The following CFC1 variants were observed in gnomAD, a reference collection of about 807,000 sequenced individuals.
CFC1 encodes the protein cryptic, EGF-CFC family member 1.
For synonymous variants in CFC1, 8 were observed against 50.7 expected, an observed-to-expected ratio of 0.16 and a Z score of 3.58; for missense variants, 14 against 120.0, an observed-to-expected ratio of 0.12 and a Z score of 4.13.
intron 5 of CFC1, among the ~76,000 whole-genome samples, chr2:130,594,233 C>A (rs1429289820): frequency 1.3e-5 from 2 of 148,510 alleles, no homozygotes; most frequent in Admixed American, 6.6e-5. Flanking sequence ...CCCCATAGCA[C>A]CCCCCACCTT....
In CFC1 at chr2:130,598,764, G is replaced by T. The variant is rs1169986594; in HGVS notation, c.125C>A (p.Ala42Asp). 1.2e-6 allele frequency: 2 copies of T among 1,612,526 alleles called. No individual in the cohort carries two copies. The highest frequency in any genetic ancestry group is 2.7e-5 in the African/African-American group (2 of 74,400). Residue 42 changes from alanine to aspartate, a missense_variant, in exon 3 of 6, where the codon GCC becomes GAC. Ala to Asp is a moderately radical substitution (Grantham distance 126, BLOSUM62 -2). Coordinates refer to ENST00000259216, the MANE Select transcript of CFC1 (RefSeq NM_032545.4). ...CGGTGACTGTCGGTGCTTCTGAGTG[G>T]CAACCTTGGTGACTTCCTCTCTACC... ...NGGREEVTKV[A>D]TQKHRQSPLN...
At chr2:130,595,686 C>T (rs1314742982) in intron 5 of CFC1, among the ~76,000 whole-genome samples, 11 of 150,056 alleles carry the variant, frequency 7.3e-5, no homozygotes, top group Admixed American at 4.6e-4. Context: ...TGCAGTGAGC[C>T]GAGACTGCGC....
intron 5 of CFC1, among the ~76,000 whole-genome samples, chr2:130,594,323 AGCTGGT>A (rs1338594559): frequency 6.8e-6 from 1 of 146,746 alleles, no homozygotes. Flanking sequence ...GCTCCAGAGA[AGCTGGT>A]GCTAAGACAG....
At chr2:130,594,876 GCAGAGCATCAGT>G in intron 5 of CFC1, among the ~76,000 whole-genome samples, 1 of 148,040 alleles carries the variant, frequency 6.8e-6, no homozygotes, top group Non-Finnish European at 1.5e-5. Context: ...TCTTGGACCT[GCAGAGCATCAGT>G]CAGAGCAAGG....
chr2:130,593,422 C>T (rs1684872908), intron 5 of CFC1, among the ~76,000 whole-genome samples: 1 of 152,264 alleles, frequency 6.6e-6, no homozygotes, highest in Non-Finnish European at 1.5e-5. Context: ...GCACATAGAC[C>T]CGATTTAAAA....
At chr2:130,596,096 C>T in intron 5 of CFC1, among the ~76,000 whole-genome samples, 1 of 62,604 alleles carries the variant, frequency 1.6e-5, no homozygotes, top group East Asian at 3.2e-4. Flanking sequence ...TAAAAGAACA[C>T]AAAGGTGTTA....
At chr2:130,595,851 C>G (rs1237030935) in intron 5 of CFC1, among the ~76,000 whole-genome samples, 2 of 138,636 alleles carry the variant, frequency 1.4e-5, no homozygotes, top group African/African-American at 5.8e-5. Flanking sequence ...GGTGTACCTA[C>G]TTCATTGGCT....
intron 5 of CFC1, among the ~76,000 whole-genome samples, chr2:130,594,217 C>G (rs1204319229): frequency 6.7e-6 from 1 of 148,898 alleles, no homozygotes; most frequent in Non-Finnish European, 1.5e-5. Context: ...GGCTTGGGTG[C>G]CACCTCCCCA....
chr2:130,593,319 T>C (rs1185238173), intron 5 of CFC1, among the ~76,000 whole-genome samples: 4 of 152,272 alleles, frequency 2.6e-5, no homozygotes, highest in African/African-American at 9.7e-5. Flanking sequence ...TACAGTACTG[T>C]GTTTAAAGGG....
chr2:130,595,789 T>C (rs1274813106), intron 5 of CFC1, among the ~76,000 whole-genome samples: 1 of 150,652 alleles, frequency 6.6e-6, no homozygotes, highest in African/African-American at 2.5e-5. Context: ...AGACCCTGTT[T>C]ACTATCTGTA....
chr2:130,594,198 C>G (rs1359795346), intron 5 of CFC1, among the ~76,000 whole-genome samples: 2 of 150,846 alleles, frequency 1.3e-5, no homozygotes, highest in African/African-American at 5.0e-5. Context: ...CCAGGTCAGG[C>G]TCACTCCAGG....
chr2:130,598,433 G>T (rs1451540830), intron 3 of CFC1, among the ~76,000 whole-genome samples: 1 of 150,576 alleles, frequency 6.6e-6, no homozygotes, highest in Non-Finnish European at 1.5e-5. Context: ...CAAATACAAC[G>T]TTTTACCAAT....
At position 130,598,758 on chromosome 2, in the gene CFC1, T is replaced by G. The variant is rs955483886; in HGVS notation, c.131A>C (p.Gln44Pro). 1 of 1,613,004 alleles carries G rather than the reference T, an allele frequency of 6.2e-7. No homozygotes were observed. ...GREEVTKVATQKHRQSPLNWT... is the reference protein window; with the variant it reads ...GREEVTKVATPKHRQSPLNWT... ...GTTGAGCGGTGACTGTCGGTGCTTCTGAGTGGCAACCTTGGTGACTTCCTC... is the reference window on the plus strand; with the variant it reads ...GTTGAGCGGTGACTGTCGGTGCTTCGGAGTGGCAACCTTGGTGACTTCCTC... The change falls in exon 3 of 6, where the codon CAG becomes CCG. Residue 44 changes from glutamine (Q) to proline (P), a missense_variant. Coordinates refer to ENST00000259216, the MANE Select transcript of CFC1 (RefSeq NM_032545.4).
intron 5 of CFC1, among the ~76,000 whole-genome samples, chr2:130,596,846 T>G (rs942652096): frequency 1.4e-5 from 2 of 146,326 alleles, no homozygotes; most frequent in African/African-American, 2.7e-5. Context: ...CTTTGACAGA[T>G]GGAGGTGCCC....
At position 130,592,326 on chromosome 2, in the gene CFC1, G is replaced by A. The variant is rs3213896; in HGVS notation, c.*551C>T. On this transcript the variant is annotated 3_prime_UTR_variant, in exon 6 of 6. Coordinates refer to ENST00000259216, the MANE Select transcript of CFC1 (RefSeq NM_032545.4). ...GTCACACAGGCTCATGAACTACAGT[G>A]GATTTAAAAAGCTGAAGAGCTCAAT... 3.9e-5 allele frequency: 8 copies of A among 204,600 alleles called. No homozygotes were observed. In the East Asian group the frequency reaches 9.6e-4, roughly 25 times the overall value. The allele number at this position is 204,600 out of a possible 1,614,324, so 12.7% of individuals were successfully genotyped here. A position where few individuals can be genotyped will look rare whatever the true frequency, so the allele number is the denominator to read the frequency against.
intron 5 of CFC1, among the ~76,000 whole-genome samples, chr2:130,596,289 G>C (rs2105174661): frequency 8.2e-6 from 1 of 122,222 alleles, no homozygotes. Flanking sequence ...ATGACAGCTA[G>C]TCCCTTCCCC....
At position 130,598,713 on chromosome 2, in the gene CFC1, C is replaced by G; in HGVS notation, c.176G>C (p.Gly59Ala). ...GCCCTCGGCGCTCCCAGTCACCTCT[C>G]CGAAATGACTGGAGGTCCAGTTGAG... Reference protein sequence around the residue: ...SPLNWTSSHFGEVTGSAEGWG... With the variant: ...SPLNWTSSHFAEVTGSAEGWG... The change falls in exon 3 of 6, where the codon GGA becomes GCA. Residue 59 changes from glycine (G) to alanine (A), a missense_variant. Gly to Ala is a moderately conservative substitution (Grantham distance 60). Coordinates refer to ENST00000259216, the MANE Select transcript of CFC1 (RefSeq NM_032545.4). 1 of 1,613,666 alleles carries G rather than the reference C, an allele frequency of 6.2e-7. No homozygotes were observed. The highest frequency in any genetic ancestry group is 8.5e-7 in the Non-Finnish European group (1 of 1,179,828).
At chr2:130,594,323 A>C (rs1684906297) in intron 5 of CFC1, among the ~76,000 whole-genome samples, 1 of 146,746 alleles carries the variant, frequency 6.8e-6, no homozygotes, top group African/African-American at 2.7e-5. Flanking sequence ...GCTCCAGAGA[A>C]GCTGGTGCTA....
rs1318519716 is a variant in CFC1 at position 130,598,657 on chromosome 2, G to T, written c.232C>A (p.Arg78=). 1.9e-6 allele frequency: 3 copies of T among 1,613,970 alleles called. No homozygotes were observed. The highest frequency in any genetic ancestry group is 2.5e-6 in the Non-Finnish European group (3 of 1,179,890). Residue 78 remains arginine (R), a synonymous_variant, in exon 3 of 6, where the codon CGG becomes AGG. Transcript: ENST00000259216. The part of the protein sequence containing the change: ...WGPEEPLPYS[R]AFGEGASARP... Reference sequence around the variant, plus strand: ...TGCAACTTACCCTCTCCGAAAGCCCGGGAGTAGGGGAGCGGCTCCTCCGGC... The same window carrying T: ...TGCAACTTACCCTCTCCGAAAGCCCTGGAGTAGGGGAGCGGCTCCTCCGGC...
Sources: allele counts gnomAD v4.1 joint callset (sites outside exome capture counted in the v4.1 genomes callset), GRCh38; gene constraint gnomAD v4.1.1; transcripts MANE v1.5; gene names NCBI Gene and HGNC (gene_info 2026-07-23, HGNC 2026-07-21).